The following DNAH6 variants were observed in gnomAD, a reference collection of about 807,000 sequenced individuals.
The protein encoded by DNAH6 is axonemal beta dynein heavy chain 6.
DNAH6 carries 340 observed loss-of-function variants against 491.4 expected under a neutral mutation model. The ratio of observed to expected loss-of-function variants is 0.69; its 90% CI spans 0.63 to 0.76. DNAH6 has a LOEUF of 0.76. Ranked by LOEUF, DNAH6 falls within the 30% of genes least tolerant of loss-of-function variation. The probability of loss-of-function intolerance (pLI) is 0.00; values close to 1 mark genes in which losing one functional copy is unlikely to be tolerated. For synonymous variants in DNAH6, 1,603 were observed against 1,686.1 expected (o/e 0.95, Z 1.21); for missense variants, 4,443 against 4,972.2 (o/e 0.89, Z 3.20).
chr2:84,659,060 C>A lies in DNAH6; in HGVS notation c.5975C>A (p.Thr1992Asn). ...QTKLNTILCQ[T>N]FVFCYLWSLG... Reference sequence around the variant, plus strand: ...AAATTGAACACTATACTATGTCAGACTTTTGTATTCTGTTATTTGTGGTCT... The same window carrying A: ...AAATTGAACACTATACTATGTCAGAATTTTGTATTCTGTTATTTGTGGTCT... The change falls in exon 37 of 77, where the codon ACT becomes AAT. Residue 1992 changes from threonine to asparagine, a missense_variant. Physicochemically the swap from Thr to Asn is moderately conservative, Grantham distance 65. Transcript: ENST00000389394. 1 of 1,478,502 alleles carries A rather than the reference C, an allele frequency of 6.8e-7. No individual in the cohort carries two copies. The highest frequency in any genetic ancestry group is 9.2e-7 in the Non-Finnish European group (1 of 1,087,684). The allele number at this position is 1,478,502 out of a possible 1,614,324, so 91.6% of individuals were successfully genotyped here. A position where few individuals can be genotyped will look rare whatever the true frequency, so the allele number is the denominator to read the frequency against.
chr2:84,709,674 T>C (rs1573561766), intron 55 of DNAH6, 128 bp downstream of exon 55: 3 of 1,044,512 alleles, frequency 2.9e-6, no homozygotes, highest in African/African-American at 3.2e-5. Flanking sequence ...GATTTAGACC[T>C]AGAAGAGAGT....
rs574465179 is a variant in DNAH6 at position 84,526,897 on chromosome 2, G to A, written c.399+1159G>A. On this transcript the variant is annotated intron_variant, in intron 3 of 76. Transcript: ENST00000389394. The stretch of plus-strand genomic sequence containing the variant: ...AAATTTGAATTTAAAGAAAAGGAGA[G>A]AACGTGTATAGACATCTGGGATAAA... 1.7e-3 allele frequency among the ~76,000 whole-genome samples: 258 copies of A among 152,202 alleles called. 1 individual carries two copies. Among genetic ancestry groups the A allele is most frequent in the Non-Finnish European group, 3.1e-3 (212 of 68,006 alleles).
In DNAH6 at chr2:84,796,292, A is replaced by G. The variant is rs1678339772; in HGVS notation, c.11240-14A>G. ...AAAAACAGCAATAATTTCAAAATAC[A>G]AATTTCTTTTCAGGTGAAATTACTT... On this transcript the variant is annotated splice_polypyrimidine_tract_variant and intron_variant, in intron 68 of 76. Coordinates refer to ENST00000389394, the MANE Select transcript of DNAH6 (RefSeq NM_001370.2). 7 of 1,449,592 alleles carry G rather than the reference A, an allele frequency of 4.8e-6. No homozygotes were observed. Among genetic ancestry groups the G allele is most frequent in the Admixed American group, 2.9e-5 (1 of 35,064 alleles). The allele number at this position is 1,449,592 out of a possible 1,614,324, so 89.8% of individuals were successfully genotyped here. A position where few individuals can be genotyped will look rare whatever the true frequency, so the allele number is the denominator to read the frequency against.
At chr2:84,462,788 C>T in the DNAH6 span, among the ~76,000 whole-genome samples, 1 of 152,214 alleles carries the variant, frequency 6.6e-6, no homozygotes, top group East Asian at 1.9e-4. Context: ...GCTATGTCTG[C>T]CTCCTTCCTA....
the DNAH6 span, among the ~76,000 whole-genome samples, chr2:84,474,382 C>T: frequency 3.3e-5 from 5 of 152,162 alleles, no homozygotes; most frequent in Non-Finnish European, 7.3e-5. Context: ...CTACCCAAAC[C>T]GGTTTGGCAG....
intron 3 of DNAH6, among the ~76,000 whole-genome samples, chr2:84,527,251 C>T (rs1394619725): frequency 6.6e-6 from 1 of 152,194 alleles, no homozygotes; most frequent in East Asian, 1.9e-4. Flanking sequence ...AGGAGTACTG[C>T]ATTGTACAGT....
rs1680458090 is a variant in DNAH6, at chr2:84,816,056, G to A, written c.12346G>A (p.Ala4116Thr). The A allele has an allele frequency of 6.4e-7, 1 of 1,551,492 alleles. No homozygotes were observed. Among genetic ancestry groups the A allele is most frequent in the South Asian group, 1.2e-5 (1 of 84,030 alleles). ...CCACTGCCCACTTTATAAAACAGGA[G>A]CCCGGGCAGGAACACTCTCAACCAC... Reference protein sequence around the residue: ...LYHCPLYKTGARAGTLSTTGH... With the variant: ...LYHCPLYKTGTRAGTLSTTGH... The change falls in exon 76 of 77, where the codon GCC (alanine) becomes ACC (threonine). Residue 4116 changes from alanine to threonine, a missense_variant. By Grantham distance (58) the Ala-to-Thr change is moderately conservative. This residue lies in a region of DNAH6 where 1,463 missense variants were observed against 1,656.6 expected (regional missense o/e 0.88). Transcript: ENST00000389394.
intron 7 of DNAH6, 89 bp from the exon 8 acceptor site, chr2:84,548,199 A>C: frequency 7.2e-7 from 1 of 1,383,934 alleles, no homozygotes; most frequent in South Asian, 1.5e-5. Context: ...GTTGTTTTTG[A>C]ATTTTGTTTA....
intron 18 of DNAH6, 43 bp downstream of exon 18, chr2:84,595,832 GTTATTAA>G (rs1684525833): frequency 2.0e-6 from 3 of 1,502,982 alleles, no homozygotes; most frequent in Non-Finnish European, 2.7e-6. Context: ...AGGCCAGTTG[GTTATTAA>G]TTGATGCTAA....
At chr2:84,493,123 A>G in the DNAH6 span, among the ~76,000 whole-genome samples, 1 of 152,148 alleles carries the variant, frequency 6.6e-6, no homozygotes, top group African/African-American at 2.4e-5. Context: ...GGGCATGGCT[A>G]TGATCCAGTG....
At chr2:84,550,152 A>T in intron 9 of DNAH6, 95 bp downstream of exon 9, 1 of 972,500 alleles carries the variant, frequency 1.0e-6, no homozygotes. Flanking sequence ...CTGTGCACTA[A>T]AAAAAAAAGA....
chr2:84,719,869 AACACAC>A (rs72442165), intron 59 of DNAH6, among the ~76,000 whole-genome samples: 97 of 144,742 alleles, frequency 6.7e-4, no homozygotes, highest in Non-Finnish European at 8.9e-4. Context: ...CTGTACCTCT[AACACAC>A]ACACACACAC....
rs954536483 is a variant in DNAH6 at position 84,808,558 on chromosome 2, T to A, written c.11739+16T>A. ...GTTAATTCATGTATGAGAGCTTACT[T>A]TCATCATTGCTATTGAGCATCAAAG... On this transcript the variant is annotated intron_variant, in intron 72 of 76. Coordinates refer to ENST00000389394, the MANE Select transcript of DNAH6 (RefSeq NM_001370.2). 6.4e-7 allele frequency: 1 copy of A among 1,550,764 alleles called. No homozygotes were observed. Among genetic ancestry groups the A allele is most frequent in the African/African-American group, 1.4e-5 (1 of 73,154 alleles).
At chr2:84,802,640 A>G (rs1312035381) in intron 70 of DNAH6, among the ~76,000 whole-genome samples, 4 of 152,218 alleles carry the variant, frequency 2.6e-5, no homozygotes, top group Non-Finnish European at 5.9e-5. Flanking sequence ...CTCCACTGAC[A>G]ACATTAGATC....
At chr2:84,509,017 T>C in the DNAH6 span, among the ~76,000 whole-genome samples, 2 of 152,198 alleles carry the variant, frequency 1.3e-5, no homozygotes, top group Admixed American at 1.3e-4. Flanking sequence ...ATAAGTGCAG[T>C]GTGGCACTGA....
chr2:84,502,861 C>CT, the DNAH6 span, among the ~76,000 whole-genome samples: 1 of 151,906 alleles, frequency 6.6e-6, no homozygotes, highest in Non-Finnish European at 1.5e-5. Context: ...GTTTTCATCC[C>CT]TTTATTTTTC....
At chr2:84,815,805 A>T in intron 75 of DNAH6, 56 bp from the exon 76 acceptor site, 2 of 1,311,304 alleles carry the variant, frequency 1.5e-6, no homozygotes, top group Non-Finnish European at 2.1e-6. Context: ...GAAGTGGCTC[A>T]CACCTGCTGA....
chr2:84,792,374 G>A (rs890032064), intron 68 of DNAH6, among the ~76,000 whole-genome samples: 1 of 152,168 alleles, frequency 6.6e-6, no homozygotes, highest in African/African-American at 2.4e-5. Flanking sequence ...TAGATTTCAT[G>A]TTAAGTATTC....
intron 59 of DNAH6, among the ~76,000 whole-genome samples, chr2:84,720,176 C>T (rs929460915): frequency 6.6e-6 from 1 of 151,472 alleles, no homozygotes; most frequent in Non-Finnish European, 1.5e-5. Context: ...AAGGGACAAA[C>T]CCCTGGCCAT....
Sources: allele counts gnomAD v4.1 joint callset (sites outside exome capture counted in the v4.1 genomes callset), GRCh38; gene constraint gnomAD v4.1.1; regional missense constraint gnomAD v4.1.1; transcripts MANE v1.5; gene names NCBI Gene and HGNC (gene_info 2026-07-23, HGNC 2026-07-21).